The following PKD1L1 variants were observed in gnomAD, a reference collection of about 807,000 sequenced individuals.
PKD1L1 encodes the protein polycystin 1 like 1, transient receptor potential channel interacting, also known as polycystin-1-like protein 1.
In PKD1L1, 236 loss-of-function variants were observed where a neutral mutation model predicts 323.4. The ratio of observed to expected loss-of-function variants is 0.73; its 90% CI spans 0.66 to 0.81. PKD1L1 has a LOEUF of 0.81. PKD1L1 is among the 40% of genes least tolerant of loss of function. PKD1L1 has a pLI of 0.00. For synonymous variants in PKD1L1, 1,344 were observed against 1,335.0 expected, an observed-to-expected ratio of 1.01 and a Z score of -0.15; for missense variants, 3,320 against 3,508.0, an observed-to-expected ratio of 0.95 and a Z score of 1.35.
chr7:47,875,543 C>G (rs1036145415), intron 23 of PKD1L1, among the ~76,000 whole-genome samples: 3 of 152,220 alleles, frequency 2.0e-5, no homozygotes, highest in African/African-American at 7.2e-5. Flanking sequence ...AAGATACCTT[C>G]CTAAATGGCT....
chr7:47,834,467 G>C, intron 39 of PKD1L1, 82 bp from the exon 40 acceptor site: 1 of 1,115,760 alleles, frequency 9.0e-7, no homozygotes, highest in Non-Finnish European at 1.3e-6. Flanking sequence ...GATTAGCGGG[G>C]ACACTACTTT....
intron 49 of PKD1L1, 97 bp downstream of exon 49, chr7:47,813,024 G>A: frequency 6.9e-7 from 1 of 1,456,150 alleles, no homozygotes. Flanking sequence ...CCTGTCAGGA[G>A]GCTGCACCTG....
intron 14 of PKD1L1, among the ~76,000 whole-genome samples, chr7:47,894,573 A>G (rs772818434): frequency 1.3e-5 from 2 of 152,232 alleles, no homozygotes; most frequent in Admixed American, 1.3e-4. Context: ...TGATGCGGCC[A>G]GGCGCGGTGG....
rs763298384 is a variant in PKD1L1 at position 47,948,435 on chromosome 7, G to A, written c.6C>T (p.Ala2=). The A allele has an allele frequency of 2.2e-5, 36 of 1,613,902 alleles. No homozygotes were observed. The highest frequency in any genetic ancestry group is 1.4e-4 in the South Asian group (13 of 91,080). M[A]EEAAQNISDD... Reference sequence around the variant, plus strand: ...CAGAAATGTTCTGGGCTGCCTCCTCGGCCATGTCCTGTGCAAGCTGGTCAC... The same window carrying A: ...CAGAAATGTTCTGGGCTGCCTCCTCAGCCATGTCCTGTGCAAGCTGGTCAC... The change falls in exon 1 of 57, where the codon GCC becomes GCT. Residue 2 remains alanine, a synonymous_variant. Coordinates refer to ENST00000289672, the MANE Select transcript of PKD1L1 (RefSeq NM_138295.5).
rs200149170 is a variant in PKD1L1 at position 47,893,732 on chromosome 7, T to G, written c.2453+146A>C. The G allele has an allele frequency of 8.1e-5, 64 of 788,778 alleles. 1 individual carries two copies. The East Asian group carries it at 1.7e-3, about 21-fold the overall frequency. 48.9% of individuals were successfully genotyped at this position (788,778 alleles called of 1,614,324 possible). A position where few individuals can be genotyped will look rare whatever the true frequency, so the allele number is the denominator to read the frequency against. On this transcript the variant is annotated intron_variant, in intron 15 of 56. Coordinates refer to ENST00000289672, the MANE Select transcript of PKD1L1 (RefSeq NM_138295.5). ...CTCTTTTCCTCAATTCCCTTATATT[T>G]TGTTCCTAAATAAAGCAGTTAAACT...
At chr7:47,777,059 T>C (rs929929130) in intron 56 of PKD1L1, among the ~76,000 whole-genome samples, 2 of 152,090 alleles carry the variant, frequency 1.3e-5, no homozygotes, top group Non-Finnish European at 2.9e-5. Context: ...ATTCAACTAA[T>C]TTTTGTATTT....
Position 47,882,053 on chromosome 7 carries a change from T to TA in PKD1L1, c.3297dup (p.Ser1100Ter). ...CCAGGGCTCTCCTCGGCACTCAAGC[T>TA]AGGTCCTGATCCTGGAAAGCTGGTG... is the stretch of plus-strand genomic sequence containing the variant. On this transcript the variant is annotated frameshift_variant, in exon 20 of 57. Transcript: ENST00000289672. LOFTEE classifies it high-confidence loss of function. 3.1e-6 allele frequency: 5 copies of TA among 1,613,622 alleles called. No individual in the cohort carries two copies. Among genetic ancestry groups the TA allele is most frequent in the Non-Finnish European group, 4.2e-6 (5 of 1,179,894 alleles).
At chr7:47,917,026 T>G (rs1787443160) in intron 7 of PKD1L1, among the ~76,000 whole-genome samples, 1 of 152,080 alleles carries the variant, frequency 6.6e-6, no homozygotes, top group African/African-American at 2.4e-5. Context: ...ATTAAGCTAA[T>G]TAGGGAGGCA....
Position 47,833,133 on chromosome 7 carries a change from A to G in PKD1L1, c.6294T>C (p.Thr2098=), listed in dbSNP as rs1487471343. 6.2e-7 allele frequency: 1 copy of G among 1,612,334 alleles called. No individual in the cohort carries two copies. Among genetic ancestry groups the G allele is most frequent in the Non-Finnish European group, 8.5e-7 (1 of 1,179,332 alleles). The change falls in exon 41 of 57, where the codon ACT becomes ACC. Residue 2098 remains threonine (T), a synonymous_variant. Coordinates refer to ENST00000289672, the MANE Select transcript of PKD1L1 (RefSeq NM_138295.5). ...LQVHGADHSR[T]SLMGKSHCCP... is the part of the protein sequence containing the mutation. ...AGCAGTGGCTTTTCCCCATCAGAGA[A>G]GTCCTGCTGTGGTCAGCCCCATGAA...
chr7:47,857,907 G>T, intron 27 of PKD1L1, 75 bp from the exon 28 acceptor site: 1 of 1,397,190 alleles, frequency 7.2e-7, no homozygotes, highest in Non-Finnish European at 9.9e-7. Flanking sequence ...GACTAGGAGA[G>T]AGGGGAAAAG....
upstream of PKD1L1, among the ~76,000 whole-genome samples, chr7:47,948,705 C>T (rs1008325270): frequency 2.0e-5 from 3 of 152,186 alleles, no homozygotes; most frequent in African/African-American, 7.2e-5. Context: ...TGTCTGTAAT[C>T]CCAGCAATTT....
chr7:47,809,272 T>C (rs576132786), intron 51 of PKD1L1: 2 of 467,602 alleles, frequency 4.3e-6, no homozygotes, highest in Admixed American at 3.9e-5. Flanking sequence ...CTGAAATTCG[T>C]GTGGTACATG....
intron 6 of PKD1L1, 47 bp from the exon 7 acceptor site, chr7:47,929,573 T>C: frequency 2.6e-6 from 4 of 1,525,060 alleles, no homozygotes; most frequent in South Asian, 2.4e-5. Flanking sequence ...AGTGGACCAC[T>C]GGGGTGGGAG....
At chr7:47,956,754 T>G in the PKD1L1 span, 1 of 152,260 alleles carries the variant, frequency 6.6e-6, no homozygotes, top group Admixed American at 6.5e-5. Context: ...CTGAGATAAT[T>G]CAAAATAGCT....
chr7:47,813,986 A>C lies in PKD1L1; in HGVS notation c.7118T>G (p.Leu2373Arg). 1.2e-6 allele frequency: 2 copies of C among 1,614,084 alleles called. No individual in the cohort carries two copies. The highest frequency in any genetic ancestry group is 1.7e-6 in the Non-Finnish European group (2 of 1,180,020). ...CTGCCTAATTACGGAACTGCCTATT[A>C]GGTAGCATTTTCCTCCAAGAGCTCC... ...QPGALGGKCY[L>R]IGSSVIRQLK... Residue 2373 changes from leucine (L) to arginine (R), a missense_variant, in exon 48 of 57, where the codon CTA becomes CGA. Leu to Arg is a moderately radical substitution (Grantham distance 102, BLOSUM62 -2). Transcript: ENST00000289672.
chr7:47,803,704 A>G (rs184180401), intron 52 of PKD1L1, among the ~76,000 whole-genome samples: 45 of 152,318 alleles, frequency 3.0e-4, no homozygotes, highest in African/African-American at 8.4e-4. Context: ...TCATCACCAC[A>G]GAGGGGACTC....
chr7:47,822,698 T>G (rs1333750201), intron 45 of PKD1L1, among the ~76,000 whole-genome samples: 1 of 151,320 alleles, frequency 6.6e-6, no homozygotes, highest in Non-Finnish European at 1.5e-5. Flanking sequence ...CTCCAATCAA[T>G]GCACACAGTC....
chr7:47,882,777 T>C (rs1786593103), intron 19 of PKD1L1, among the ~76,000 whole-genome samples: 1 of 152,100 alleles, frequency 6.6e-6, no homozygotes, highest in Non-Finnish European at 1.5e-5. Flanking sequence ...CGGGCTTTTG[T>C]CCTGAGTGCC....
rs1694360447 is a variant in PKD1L1 at position 47,931,230 on chromosome 7, A to C, written c.611T>G (p.Val204Gly). Residue 204 changes from valine to glycine, a missense_variant, in exon 6 of 57, where the codon GTG (valine) becomes GGG (glycine). Coordinates refer to ENST00000289672, the MANE Select transcript of PKD1L1 (RefSeq NM_138295.5). The stretch of plus-strand genomic sequence containing the variant: ...AGTCCCAGGAAGCAGCCCCGTGGCC[A>C]CATCCTCCGCACAGCACAGCAGTCT... ...VLRLLCCAED[V>G]ATGLLPGTVT... The C allele has an allele frequency of 1.9e-6, 3 of 1,614,264 alleles. No individual in the cohort carries two copies. The South Asian group carries it at 3.3e-5, about 18-fold the overall frequency.
Sources: gnomAD v4.1 joint callset for allele counts (sites outside exome capture counted in the v4.1 genomes callset) on GRCh38, gnomAD v4.1.1 for gene constraint, MANE v1.5 for transcripts, NCBI Gene and HGNC (gene_info 2026-07-23, HGNC 2026-07-21) for gene names.